Variants in RYR2 observed in about 807,000 individuals in gnomAD.
The protein encoded by RYR2 is cardiac muscle ryanodine receptor-calcium release channel.
A neutral mutation model predicts 601.1 loss-of-function variants in RYR2; 227 were observed. The ratio of observed to expected loss-of-function variants is 0.38; its 90% confidence interval spans 0.34 to 0.42. The LOEUF is 0.42. Among genes scored for constraint, RYR2 ranks in the 10% least tolerant of loss-of-function variants. RYR2 has a pLI of 1.00. For missense variants in RYR2, 4,646 were observed against 6,156.5 expected (o/e 0.75, Z 8.21); for synonymous variants, 2,223 against 2,175.1 (o/e 1.02, Z -0.61).
rs1313625821 is a variant in RYR2 at position 237,823,777 on chromosome 1, C to T, written c.14590+4585C>T. ...TGAAAAGATCAACAAAATAGACAGA[C>T]TGCTAGCCAGACTAATAAAGAAGAA... is the stretch of plus-strand genomic sequence containing the variant. On this transcript the variant is annotated intron_variant, in intron 101 of 104. Coordinates refer to ENST00000366574, the MANE Select transcript of RYR2 (RefSeq NM_001035.3). 3.3e-5 allele frequency among the ~76,000 whole-genome samples: 5 copies of T among 152,106 alleles called. No homozygotes were observed. The South Asian group carries it at 1.0e-3, about 32-fold the overall frequency.
chr1:237,569,393 G>C (rs78159899), intron 29 of RYR2, 74 bp downstream of exon 29: 3 of 1,461,824 alleles, frequency 2.1e-6, no homozygotes, highest in African/African-American at 1.4e-5. Flanking sequence ...CTTCCTAACC[G>C]GGCGTTTCTG....
chr1:237,764,070 T>C (rs1321387030), intron 84 of RYR2, among the ~76,000 whole-genome samples: 1 of 152,236 alleles, frequency 6.6e-6, no homozygotes, highest in Non-Finnish European at 1.5e-5. Flanking sequence ...GCCCACTGTT[T>C]TTATTAAGCT....
At chr1:237,537,001 C>G (rs1385374588) in intron 25 of RYR2, among the ~76,000 whole-genome samples, 1 of 151,974 alleles carries the variant, frequency 6.6e-6, no homozygotes, top group Non-Finnish European at 1.5e-5. Flanking sequence ...CCCTGCAGAT[C>G]CAATAAGCAT....
At chr1:237,230,586 T>C (rs1684882192) in intron 1 of RYR2, among the ~76,000 whole-genome samples, 1 of 152,222 alleles carries the variant, frequency 6.6e-6, no homozygotes, top group African/African-American at 2.4e-5. Flanking sequence ...GTTGTCTTAA[T>C]AGAAGTCAGT....
chr1:237,593,255 C>T (rs956254154), intron 32 of RYR2, among the ~76,000 whole-genome samples: 2 of 152,120 alleles, frequency 1.3e-5, no homozygotes, highest in African/African-American at 4.8e-5. Context: ...TTCTCTCTTT[C>T]CTGTTATTTC....
Position 237,711,776 on chromosome 1 carries a change from T to A in RYR2, c.10262T>A (p.Val3421Glu). 1 of 1,590,908 alleles carries A rather than the reference T, an allele frequency of 6.3e-7. No individual in the cohort carries two copies. The highest frequency in any genetic ancestry group is 1.1e-5 in the South Asian group (1 of 89,540). ...AAAAGAGAAGAGCAGAACTTCGTTG[T>A]ACAGAATGAAATCAACAATATGTCT... Reference protein sequence around the residue: ...NFKREEQNFVVQNEINNMSFL... With the variant: ...NFKREEQNFVEQNEINNMSFL... Residue 3421 changes from valine to glutamate, a missense_variant, in exon 71 of 105, where the codon GTA becomes GAA. By Grantham distance (121) the Val-to-Glu change is moderately radical. Around this residue, in one of 17 missense-constraint regions of RYR2, gnomAD observed 1,497 missense variants for 1,842.6 expected, o/e 0.81. Transcript: ENST00000366574.
rs58145628 is a variant in RYR2 at position 237,580,155 on chromosome 1, C to CTT, written c.3599-9622_3599-9621dup. Among the ~76,000 whole-genome samples the CTT allele has an allele frequency of 4.5e-3, 528 of 116,608 alleles. 15 individuals carry two copies. Among genetic ancestry groups the CTT allele is most frequent in the African/African-American group, 0.011 (333 of 30,256 alleles). The allele number at this position is 116,608 out of a possible 152,430, so 76.5% of individuals were successfully genotyped here. A position where few individuals can be genotyped will look rare whatever the true frequency, so the allele number is the denominator to read the frequency against. On this transcript the variant is annotated intron_variant, in intron 29 of 104. Transcript: ENST00000366574. ...AGAGCCACGTGAAATCACAACAATT[C>CTT]TTTTTTTTTTTTTTTTTGAGACGGA...
rs766481385 is a variant in RYR2, at chr1:237,785,960, T to C, written c.13261-9T>C. Reference sequence around the variant, plus strand: ...TCCTGGTTTTCTTTTCCCCATTGACTCATTCAAGGAACAGAAGGCAAAAGA... The same window carrying C: ...TCCTGGTTTTCTTTTCCCCATTGACCCATTCAAGGAACAGAAGGCAAAAGA... On this transcript the variant is annotated splice_polypyrimidine_tract_variant and intron_variant, in intron 90 of 104. Coordinates refer to ENST00000366574, the MANE Select transcript of RYR2 (RefSeq NM_001035.3). 8.9e-6 allele frequency: 14 copies of C among 1,581,754 alleles called. No individual in the cohort carries two copies. The highest frequency in any genetic ancestry group is 1.1e-5 in the Non-Finnish European group (13 of 1,159,560).
At chr1:237,073,144 A>T (rs2148339374) in intron 1 of RYR2, among the ~76,000 whole-genome samples, 1 of 152,256 alleles carries the variant, frequency 6.6e-6, no homozygotes, top group Admixed American at 6.5e-5. Flanking sequence ...CATTTTAAGG[A>T]ATTTGGATTT....
At chr1:237,651,764 G>A (rs921907411) in intron 51 of RYR2, among the ~76,000 whole-genome samples, 21 of 151,866 alleles carry the variant, frequency 1.4e-4, no homozygotes, top group African/African-American at 3.1e-4. Context: ...CAGGCCGGGC[G>A]CGGTGGCTCA....
At chr1:237,393,227 G>A (rs1268405450) in intron 10 of RYR2, among the ~76,000 whole-genome samples, 1 of 152,086 alleles carries the variant, frequency 6.6e-6, no homozygotes, top group Admixed American at 6.6e-5. Context: ...TTCAAATGCA[G>A]GCCAATTAAG....
At chr1:237,714,062 G>A (rs1044968238) in intron 71 of RYR2, among the ~76,000 whole-genome samples, 2 of 152,028 alleles carry the variant, frequency 1.3e-5, no homozygotes, top group African/African-American at 4.8e-5. Context: ...TCATAATGTG[G>A]CAAAGGAAAG....
At chr1:237,074,714 C>T (rs967402144) in intron 1 of RYR2, among the ~76,000 whole-genome samples, 6 of 152,176 alleles carry the variant, frequency 3.9e-5, no homozygotes, top group Admixed American at 1.3e-4. Flanking sequence ...AGTCCTTCTT[C>T]GCCCAGTGTA....
intron 56 of RYR2, among the ~76,000 whole-genome samples, chr1:237,666,047 T>G (rs1684300721): frequency 6.6e-6 from 1 of 152,184 alleles, no homozygotes; most frequent in Non-Finnish European, 1.5e-5. Flanking sequence ...GATTTCCAAG[T>G]GCATTGCTGA....
intron 1 of RYR2, among the ~76,000 whole-genome samples, chr1:237,200,774 A>T (rs1393370305): frequency 6.6e-6 from 1 of 152,240 alleles, no homozygotes; most frequent in Non-Finnish European, 1.5e-5. Context: ...CGTTTTCTAT[A>T]ACTGTAGTAT....
intron 1 of RYR2, among the ~76,000 whole-genome samples, chr1:237,188,962 C>T (rs1165798840): frequency 6.6e-6 from 1 of 152,156 alleles, no homozygotes; most frequent in East Asian, 1.9e-4. Flanking sequence ...TAACCGTATC[C>T]ACATTGCTAT....
intron 1 of RYR2, among the ~76,000 whole-genome samples, chr1:237,241,868 A>G (rs1686207029): frequency 6.6e-6 from 1 of 152,258 alleles, no homozygotes; most frequent in Admixed American, 6.5e-5. Context: ...AACTACGTAT[A>G]ATGAGTAGTG....
chr1:237,654,196 T>A, intron 51 of RYR2, 78 bp from the exon 52 acceptor site: 1 of 1,528,084 alleles, frequency 6.5e-7, no homozygotes, highest in East Asian at 2.3e-5. Context: ...AGCATTAGAG[T>A]GTGATATGAG....
chr1:237,429,980 T>G (rs974148618), intron 12 of RYR2, among the ~76,000 whole-genome samples: 2 of 151,854 alleles, frequency 1.3e-5, no homozygotes, highest in Non-Finnish European at 2.9e-5. Flanking sequence ...TGGAAAGATA[T>G]TCTTGTAAAT....
Sources: gnomAD v4.1 joint callset for allele counts (sites outside exome capture counted in the v4.1 genomes callset) on GRCh38, gnomAD v4.1.1 for gene constraint, gnomAD v4.1.1 regional missense constraint, MANE v1.5 for transcripts, NCBI Gene and HGNC (gene_info 2026-07-23, HGNC 2026-07-21) for gene names.